FIS1: variants seen among roughly 807,000 people sequenced by gnomAD.
The protein encoded by FIS1 is mitochondrial fission 1 protein.
FIS1 carries 16 observed loss-of-function variants against 21.6 expected under a neutral mutation model. The observed-to-expected ratio is 0.74, with a 90% CI of 0.50 to 1.12. FIS1 has a LOEUF of 1.12. Ranked by LOEUF, FIS1 falls within the 50% of genes most tolerant of loss-of-function variation. The pLI is 0.00. For synonymous variants in FIS1, 92 were observed against 82.2 expected (o/e 1.12, Z -0.65); for missense variants, 198 against 190.9 (o/e 1.04, Z -0.22).
At chr7:101,240,711 C>T (rs1798734368) in intron 3 of FIS1, 119 bp downstream of exon 3, 2 of 930,840 alleles carry the variant, frequency 2.1e-6, no homozygotes, top group African/African-American at 1.6e-5. Flanking sequence ...CATCTGACAC[C>T]GCTCTGCACC....
chr7:101,244,823 C>A, intron 1 of FIS1, 137 bp downstream of exon 1: 1 of 1,046,622 alleles, frequency 9.6e-7, no homozygotes, highest in Non-Finnish European at 1.4e-6. Flanking sequence ...GAGCCAGGCG[C>A]TGTGGAGGCT....
chr7:101,241,290 G>A (rs549592628), intron 2 of FIS1: 107 of 185,970 alleles, frequency 5.8e-4, no homozygotes, highest in Admixed American at 2.5e-3. Context: ...GCGTGATCTC[G>A]GCTCACTGCA....
intron 1 of FIS1, 95 bp downstream of exon 1, chr7:101,244,865 A>T (rs1405825147): frequency 6.6e-7 from 1 of 1,521,352 alleles, no homozygotes; most frequent in African/African-American, 1.4e-5. Flanking sequence ...TCCCTCGGCC[A>T]AGCCGATGCC....
intron 3 of FIS1, 58 bp from the exon 4 acceptor site, chr7:101,240,305 G>A: frequency 6.4e-7 from 1 of 1,559,714 alleles, no homozygotes; most frequent in Non-Finnish European, 8.8e-7. Context: ...TTGTTTGTTT[G>A]TTTTTTAATA....
chr7:101,243,902 G>A, intron 2 of FIS1, 105 bp downstream of exon 2: 4 of 1,411,442 alleles, frequency 2.8e-6, no homozygotes, highest in Non-Finnish European at 3.8e-6. Context: ...TATAGCCCTT[G>A]GTGCAGTAAA....
chr7:101,240,353 C>G, intron 3 of FIS1, 106 bp from the exon 4 acceptor site: 1 of 1,144,738 alleles, frequency 8.7e-7, no homozygotes. Flanking sequence ...CGCTGGACGG[C>G]AGCGTCGCAA....
Position 101,239,786 on chromosome 7 carries a change from C to G in FIS1, c.*20G>C. 1.3e-6 allele frequency: 2 copies of G among 1,574,186 alleles called. No individual in the cohort carries two copies. The highest frequency in any genetic ancestry group is 8.6e-7 in the Non-Finnish European group (1 of 1,158,386). ...GGACAGGCCCTCCTGGAGCGTTCTCCGTGGGCTCCCGCGTCTCCTTCAGGA... is the reference window on the plus strand; with the variant it reads ...GGACAGGCCCTCCTGGAGCGTTCTCGGTGGGCTCCCGCGTCTCCTTCAGGA... On this transcript the variant is annotated 3_prime_UTR_variant, in exon 5 of 5. Transcript: ENST00000223136.
rs2116847112 is a variant in FIS1 at position 101,240,272 on chromosome 7, G to A, written c.256-25C>T. ...CCTGCGCTCGGGGAAACGCGCACGC[G>A]TCATACACACCGCAGTGTTTTTTTG... On this transcript the variant is annotated intron_variant, in intron 3 of 4. Transcript: ENST00000223136. 4 of 1,604,098 alleles carry A rather than the reference G, an allele frequency of 2.5e-6. No individual in the cohort carries two copies. In the East Asian group the frequency reaches 8.9e-5, roughly 36 times the overall value.
At chr7:101,243,918 C>G in intron 2 of FIS1, 89 bp downstream of exon 2, 1 of 1,485,968 alleles carries the variant, frequency 6.7e-7, no homozygotes, top group South Asian at 1.3e-5. Flanking sequence ...GTAAATCTAC[C>G]GGAGACAACT....
chr7:101,240,354 A>T (rs902155694), intron 3 of FIS1, 107 bp from the exon 4 acceptor site: 2 of 1,136,312 alleles, frequency 1.8e-6, no homozygotes, highest in Non-Finnish European at 2.6e-6. Flanking sequence ...GCTGGACGGC[A>T]GCGTCGCAAT....
rs751189513 is a variant in FIS1, at chr7:101,245,022, G to C, written c.-18C>G. 2.5e-6 allele frequency: 4 copies of C among 1,613,808 alleles called. No homozygotes were observed. The Admixed American group carries it at 5.0e-5, about 20-fold the overall frequency. On this transcript the variant is annotated 5_prime_UTR_variant, in exon 1 of 5. Coordinates refer to ENST00000223136, the MANE Select transcript of FIS1 (RefSeq NM_016068.3). ...GCCTCCATGGCCACTGCCCCCGCGA[G>C]CCTCACACTACAGTCTACTGTGCCA...
chr7:101,240,244 A>C lies in FIS1; in HGVS notation c.259T>G (p.Tyr87Asp). ...CGGACGTACTTTAAGGCCTTCTCGTATTCCTGCGCTCGGGGAAACGCGCAC... is the reference window on the plus strand; with the variant it reads ...CGGACGTACTTTAAGGCCTTCTCGTCTTCCTGCGCTCGGGGAAACGCGCAC... The part of the protein sequence containing the change: ...LAVGNYRLKE[Y>D]EKALKYVRGL... Residue 87 changes from tyrosine to aspartate, a missense_variant, in exon 4 of 5, where the codon TAC (tyrosine) becomes GAC (aspartate). Tyr to Asp is a radical substitution (Grantham distance 160). Coordinates refer to ENST00000223136, the MANE Select transcript of FIS1 (RefSeq NM_016068.3). 6.2e-7 allele frequency: 1 copy of C among 1,614,138 alleles called. No individual in the cohort carries two copies. Among genetic ancestry groups the C allele is most frequent in the South Asian group, 1.1e-5 (1 of 91,092 alleles).
intron 2 of FIS1, chr7:101,241,614 C>G (rs1366124804): frequency 2.0e-5 from 3 of 150,442 alleles, no homozygotes; most frequent in Non-Finnish European, 4.4e-5. Context: ...CCCCGAAGAC[C>G]CCACCTGACT....
chr7:101,241,247 A>ACT, intron 2 of FIS1: 1 of 247,360 alleles, frequency 4.0e-6, no homozygotes, highest in Non-Finnish European at 7.9e-6. Flanking sequence ...TTTCAGACGG[A>ACT]GTTTCACTCG....
intron 2 of FIS1, 32 bp from the exon 3 acceptor site, chr7:101,240,938 G>A (rs1798739726): frequency 1.2e-6 from 2 of 1,601,170 alleles, no homozygotes; most frequent in Non-Finnish European, 1.7e-6. Flanking sequence ...GGTGAGAAAT[G>A]CTTCTTTCCT....
In FIS1 at chr7:101,240,901, G is replaced by C. The variant is rs559824763; in HGVS notation, c.184C>G (p.Leu62Val). ...RKGIVLLEEL[L>V]PKGSKEEQRD... ...TGTTCCTCCTTGCTCCCTTTGGGCA[G>C]CAGCTCTGGGGAGGGGCAGAGAAGA... The change falls in exon 3 of 5, where the codon CTG (leucine) becomes GTG (valine). Residue 62 changes from leucine to valine, a missense_variant. Coordinates refer to ENST00000223136, the MANE Select transcript of FIS1 (RefSeq NM_016068.3). The C allele has an allele frequency of 1.2e-6, 2 of 1,614,176 alleles. No individual in the cohort carries two copies. Among genetic ancestry groups the C allele is most frequent in the South Asian group, 2.2e-5 (2 of 91,084 alleles).
At position 101,240,914 on chromosome 7, in the gene FIS1, G is replaced by A. The variant is rs1252608151; in HGVS notation, c.179-8C>T. 2 of 1,613,990 alleles carry A rather than the reference G, an allele frequency of 1.2e-6. No homozygotes were observed. Among genetic ancestry groups the A allele is most frequent in the Non-Finnish European group, 1.7e-6 (2 of 1,179,894 alleles). ...TCCCTTTGGGCAGCAGCTCTGGGGA[G>A]GGGCAGAGAAGAGGGTGAGAAATGC... On this transcript the variant is annotated splice_polypyrimidine_tract_variant and splice_region_variant and intron_variant, in intron 2 of 4. Coordinates refer to ENST00000223136, the MANE Select transcript of FIS1 (RefSeq NM_016068.3).
intron 2 of FIS1, among the ~76,000 whole-genome samples, chr7:101,241,951 A>G (rs1273111342): frequency 1.3e-5 from 2 of 151,916 alleles, no homozygotes; most frequent in East Asian, 1.9e-4. Context: ...AAAAAAAACA[A>G]AAAACGGAGA....
At chr7:101,244,211 T>C (rs1798784566) in intron 1 of FIS1, 72 bp from the exon 2 acceptor site, 2 of 1,529,114 alleles carry the variant, frequency 1.3e-6, no homozygotes, top group Admixed American at 3.7e-5. Context: ...ACATGCCATC[T>C]CCCTGGCTCT....
Sources: allele counts gnomAD v4.1 joint callset (sites outside exome capture counted in the v4.1 genomes callset), GRCh38; gene constraint gnomAD v4.1.1; transcripts MANE v1.5; gene names NCBI Gene and HGNC (gene_info 2026-07-23, HGNC 2026-07-21).